Variants in CBFA2T3 observed in about 807,000 individuals in gnomAD.
CBFA2T3 encodes transcriptional corepressor CBFA2T3.
CBFA2T3 carries 31 observed loss-of-function variants against 58.6 expected under a neutral mutation model. The ratio of observed to expected loss-of-function variants is 0.53; its 90% CI spans 0.40 to 0.71. The LOEUF (loss-of-function observed/expected upper bound fraction) is 0.71, where lower values mean the gene tolerates loss of function less well. CBFA2T3 is among the 30% of genes least tolerant of loss of function. The pLI is 0.00. For missense variants in CBFA2T3, 1,076 were observed against 963.1 expected (o/e 1.12, Z -1.55); for synonymous variants, 531 against 421.9 (o/e 1.26, Z -3.17).
At chr16:88,937,927 G>C (rs537646340) in intron 1 of CBFA2T3, 1 of 152,250 alleles carries the variant, frequency 6.6e-6, no homozygotes, top group East Asian at 1.9e-4. Context: ...TTGCCTGGAC[G>C]TGGATTTCTA....
At chr16:88,886,317 G>A in intron 5 of CBFA2T3, 175 bp from the exon 6 acceptor site, 1 of 452,678 alleles carries the variant, frequency 2.2e-6, no homozygotes. Context: ...TGCCATGGGA[G>A]GGTGGCGTGG....
At chr16:88,942,591 G>A (rs904874224) in intron 1 of CBFA2T3, among the ~76,000 whole-genome samples, 6 of 152,174 alleles carry the variant, frequency 3.9e-5, no homozygotes, top group Non-Finnish European at 8.8e-5. Flanking sequence ...CAGAACGGGG[G>A]CTCCGTGAGG....
At chr16:88,943,266 C>G (rs909022703) in intron 1 of CBFA2T3, among the ~76,000 whole-genome samples, 2 of 152,220 alleles carry the variant, frequency 1.3e-5, no homozygotes, top group Admixed American at 1.3e-4. Flanking sequence ...GGAGCAGAAG[C>G]TGGCCTGGAC....
chr16:88,905,007 C>T (rs1456547395), intron 1 of CBFA2T3, among the ~76,000 whole-genome samples: 1 of 152,056 alleles, frequency 6.6e-6, no homozygotes, highest in Admixed American at 6.5e-5. Flanking sequence ...CCCGAGAAAG[C>T]AGAAAGTGAC....
At chr16:88,926,474 G>A (rs1597736820) in intron 1 of CBFA2T3, among the ~76,000 whole-genome samples, 6 of 152,320 alleles carry the variant, frequency 3.9e-5, no homozygotes, top group East Asian at 3.9e-4. Context: ...GAGGCTGAGC[G>A]ACCTCTCTTT....
chr16:88,887,662 T>G (rs958741339), intron 5 of CBFA2T3, among the ~76,000 whole-genome samples: 8 of 152,126 alleles, frequency 5.3e-5, no homozygotes, highest in African/African-American at 1.9e-4. Context: ...GGGTGGGGAC[T>G]GTGGGAACCT....
rs1972139025 is a variant in CBFA2T3, at chr16:88,953,734, GT to G, written c.151+22922del. ...CTTATGTCTGCCTATTGAAGGCACA[GT>G]TTACTCCCGGGAAAATAAACATTTG... On this transcript the variant is annotated intron_variant, in intron 1 of 11. Transcript: ENST00000268679. This position sits in a 1 kb window ranked among gnomAD's most constrained non-coding sequence, Gnocchi z 4.9. Among the ~76,000 whole-genome samples the G allele has an allele frequency of 6.6e-6, 1 of 152,180 alleles. No homozygotes were observed. Among genetic ancestry groups the G allele is most frequent in the Non-Finnish European group, 1.5e-5 (1 of 68,026 alleles).
chr16:88,938,840 C>T (rs937172976), intron 1 of CBFA2T3: 2 of 152,254 alleles, frequency 1.3e-5, no homozygotes, highest in Non-Finnish European at 2.9e-5. Flanking sequence ...GAGGATGAAT[C>T]AGAAAACCCC....
intron 1 of CBFA2T3, among the ~76,000 whole-genome samples, chr16:88,934,232 T>C (rs374079487): frequency 7.5e-4 from 106 of 140,634 alleles, no homozygotes; most frequent in African/African-American, 2.6e-3. Flanking sequence ...GGCTGCCCCA[T>C]GCCCCTCGGC....
intron 2 of CBFA2T3, 73 bp from the exon 3 acceptor site, chr16:88,898,225 C>G: frequency 8.6e-7 from 1 of 1,157,582 alleles, no homozygotes; most frequent in Non-Finnish European, 1.3e-6. Context: ...GGGGCGCCCG[C>G]GGCCACCTTT....
chr16:88,976,906 G>A lies in CBFA2T3; in HGVS notation c.-99C>T. The A allele has an allele frequency of 7.2e-7, 1 of 1,394,656 alleles. No homozygotes were observed. Among genetic ancestry groups the A allele is most frequent in the Non-Finnish European group, 9.6e-7 (1 of 1,040,704 alleles). 86.4% of individuals were successfully genotyped at this position (1,394,656 alleles called of 1,614,324 possible). A position where few individuals can be genotyped will look rare whatever the true frequency, so the allele number is the denominator to read the frequency against. ...TGCAGCCTTGAGGGAAAGAGGAGGG[G>A]CTGGGCCAGCTGGGGCGTCCTGGAG... On this transcript the variant is annotated 5_prime_UTR_variant, in exon 1 of 12. Transcript: ENST00000268679.
chr16:88,921,213 G>T (rs1970908024), intron 1 of CBFA2T3, among the ~76,000 whole-genome samples: 3 of 152,236 alleles, frequency 2.0e-5, no homozygotes, highest in African/African-American at 7.2e-5. Flanking sequence ...TGCCATTGTT[G>T]ATGTAAACAG....
At chr16:88,934,856 C>T (rs1194860257) in intron 1 of CBFA2T3, among the ~76,000 whole-genome samples, 1 of 152,234 alleles carries the variant, frequency 6.6e-6, no homozygotes, top group Non-Finnish European at 1.5e-5. Flanking sequence ...TCTCCTGCCT[C>T]AGCCTCCCCA....
At chr16:88,901,988 G>A (rs9935582) in intron 1 of CBFA2T3, among the ~76,000 whole-genome samples, 3,003 of 152,302 alleles carry the variant, frequency 0.02, 101 homozygotes, top group African/African-American at 0.069. Flanking sequence ...CGAGGCAGCG[G>A]TGCCTTGCTC....
chr16:88,970,002 G>A (rs1451523918), intron 1 of CBFA2T3, among the ~76,000 whole-genome samples: 4 of 152,236 alleles, frequency 2.6e-5, no homozygotes, highest in Admixed American at 2.6e-4. Context: ...CAGGGAGAAA[G>A]CCACACTTGG....
chr16:88,943,921 C>G lies in CBFA2T3; in HGVS notation c.151+32736G>C, dbSNP rs8045721. Reference sequence around the variant, plus strand: ...GGAGACAGACCACGGGCGAGCAGGACCTCGGAGGGCCACACTCAGGGCTCG... The same window carrying G: ...GGAGACAGACCACGGGCGAGCAGGAGCTCGGAGGGCCACACTCAGGGCTCG... On this transcript the variant is annotated intron_variant, in intron 1 of 11. Transcript: ENST00000268679. 7.7e-3 allele frequency among the ~76,000 whole-genome samples: 1,179 copies of G among 152,274 alleles called. 10 individuals are homozygous for G. Among genetic ancestry groups the G allele is most frequent in the African/African-American group, 0.027 (1,114 of 41,534 alleles).
intron 1 of CBFA2T3, among the ~76,000 whole-genome samples, chr16:88,967,101 C>T (rs1340034163): frequency 7.7e-6 from 1 of 129,182 alleles, no homozygotes. Context: ...CTGGTGTGTG[C>T]CACCCCCAAC....
chr16:88,900,086 G>T (rs1377523514), intron 2 of CBFA2T3, among the ~76,000 whole-genome samples: 1 of 152,248 alleles, frequency 6.6e-6, no homozygotes, highest in East Asian at 1.9e-4. Flanking sequence ...GCCAGGACCT[G>T]CACGCTGGGC....
At chr16:88,890,069 A>C (rs1969564884) in intron 5 of CBFA2T3, among the ~76,000 whole-genome samples, 1 of 149,794 alleles carries the variant, frequency 6.7e-6, no homozygotes, top group African/African-American at 2.5e-5. Flanking sequence ...TCCCTGGACG[A>C]TGCCCCGCGA....
Sources: gnomAD v4.1 joint callset for allele counts (sites outside exome capture counted in the v4.1 genomes callset) on GRCh38, gnomAD v4.1.1 for gene constraint, Gnocchi (gnomAD v3.1) non-coding constraint, MANE v1.5 for transcripts, NCBI Gene and HGNC (gene_info 2026-07-23, HGNC 2026-07-21) for gene names.